TBCE: variants seen among roughly 807,000 people sequenced by gnomAD.
TBCE encodes tubulin-specific chaperone E.
Under a neutral mutation model 77.0 loss-of-function variants are expected in TBCE, and 53 were observed. The ratio of observed to expected loss-of-function variants is 0.69; its 90% CI spans 0.55 to 0.87. The LOEUF (loss-of-function observed/expected upper bound fraction) is 0.87. Among genes scored for constraint, TBCE ranks in the 40% least tolerant of loss-of-function variants. The pLI is 0.00. For missense variants in TBCE, 624 were observed against 622.4 expected (o/e 1.00, Z -0.03); for synonymous variants, 235 against 241.3 (o/e 0.97, Z 0.24).
At chr1:235,411,293 G>A (rs1358665430) in intron 3 of TBCE, among the ~76,000 whole-genome samples, 5 of 152,136 alleles carry the variant, frequency 3.3e-5, no homozygotes, top group Admixed American at 2.6e-4. Flanking sequence ...TTTCCCAAGC[G>A]GCTTTTATTG....
intron 3 of TBCE, among the ~76,000 whole-genome samples, chr1:235,412,349 T>C (rs1679863106): frequency 7.0e-6 from 1 of 141,846 alleles, no homozygotes; most frequent in Admixed American, 7.3e-5. Context: ...TCTTGCCTCA[T>C]ACTTCCAAGT....
At position 235,392,802 on chromosome 1, in the gene TBCE, A is replaced by G. The variant is rs557360417; in HGVS notation, c.101-8701A>G. 4.1e-3 allele frequency among the ~76,000 whole-genome samples: 617 copies of G among 152,182 alleles called. 5 individuals carry two copies. Among genetic ancestry groups the G allele is most frequent in the African/African-American group, 0.014 (589 of 41,522 alleles). ...AATTCTTTAGTCCAAAGTGGTGTCCATTCTTTAAGATTTTAAGATGGGGTA... is the reference window on the plus strand; with the variant it reads ...AATTCTTTAGTCCAAAGTGGTGTCCGTTCTTTAAGATTTTAAGATGGGGTA... On this transcript the variant is annotated intron_variant, in intron 2 of 16. Transcript: ENST00000642610.
chr1:235,382,385 G>C (rs1029016495), intron 2 of TBCE, among the ~76,000 whole-genome samples: 1 of 152,124 alleles, frequency 6.6e-6, no homozygotes, highest in Admixed American at 6.6e-5. Context: ...CCAAGGAATC[G>C]CCACACTGAC....
At chr1:235,387,046 G>T (rs1361680214) in intron 2 of TBCE, among the ~76,000 whole-genome samples, 11 of 152,232 alleles carry the variant, frequency 7.2e-5, no homozygotes, top group African/African-American at 2.7e-4. Flanking sequence ...AGGTCTGTTG[G>T]AGTTTGCTAG....
intron 3 of TBCE, among the ~76,000 whole-genome samples, chr1:235,407,635 C>T (rs529539535): frequency 1.2e-3 from 183 of 152,204 alleles, no homozygotes; most frequent in African/African-American, 4.3e-3. Context: ...TTGTGTGCCC[C>T]GAGCACTTTT....
At chr1:235,383,926 C>T (rs1330018316) in intron 2 of TBCE, among the ~76,000 whole-genome samples, 4 of 152,138 alleles carry the variant, frequency 2.6e-5, no homozygotes. Context: ...CAGTTTTTGT[C>T]CATTCAGTAT....
At chr1:235,374,914 T>C (rs1677196098) in intron 1 of TBCE, among the ~76,000 whole-genome samples, 1 of 140,634 alleles carries the variant, frequency 7.1e-6, no homozygotes, top group East Asian at 2.0e-4. Flanking sequence ...AGATTTCTTT[T>C]TTTTTCTTTT....
In TBCE at chr1:235,448,656, C is replaced by G; in HGVS notation, c.1492-14C>G. ...TCTTAATCACATCCTTCCCCACCTT[C>G]GTTCTAATTTTAGAAGCCGGGCAGA... On this transcript the variant is annotated splice_polypyrimidine_tract_variant and intron_variant, in intron 16 of 16. Transcript: ENST00000642610. 3 of 1,606,828 alleles carry G rather than the reference C, an allele frequency of 1.9e-6. No individual in the cohort carries two copies. The highest frequency in any genetic ancestry group is 2.6e-6 in the Non-Finnish European group (3 of 1,173,532).
chr1:235,439,633 G>A lies in TBCE; in HGVS notation c.1270+711G>A, dbSNP rs570555684. ...CTCCTGAGTAGCTGGGATTAGAGGC[G>A]CCCGCCACCACGCCCGACTAATTTT... On this transcript the variant is annotated intron_variant, in intron 13 of 16. Transcript: ENST00000642610. Among the ~76,000 whole-genome samples, 16 of 146,590 alleles carry A rather than the reference G, an allele frequency of 1.1e-4. 1 individual carries two copies. In the South Asian group the frequency reaches 2.9e-3, roughly 26 times the overall value.
Position 235,448,890 on chromosome 1 carries a change from A to AGGGATGTATTTTTTGTT in TBCE, c.*133_*149dup, listed in dbSNP as rs1682693115. On this transcript the variant is annotated 3_prime_UTR_variant, in exon 17 of 17. Transcript: ENST00000642610. ...TTTACAACTTGTCCTAAGTATAACA[A>AGGGATGTATTTTTTGTT]GGGATGTATTTTTTGTTGGGAAGTG... is the stretch of plus-strand genomic sequence containing the variant. The AGGGATGTATTTTTTGTT allele has an allele frequency of 6.7e-6, 5 of 748,346 alleles. No homozygotes were observed. The highest frequency in any genetic ancestry group is 2.3e-4 in the Middle Eastern group (1 of 4,364). 46.4% of individuals were successfully genotyped at this position (748,346 alleles called of 1,614,324 possible).
intron 2 of TBCE, among the ~76,000 whole-genome samples, chr1:235,394,241 C>T (rs1190490122): frequency 1.3e-5 from 2 of 151,654 alleles, no homozygotes; most frequent in Non-Finnish European, 2.9e-5. Context: ...CGCCCAGCTA[C>T]TTTTTTGTAT....
intron 2 of TBCE, among the ~76,000 whole-genome samples, chr1:235,392,416 T>C (rs958850808): frequency 2.7e-5 from 4 of 149,144 alleles, no homozygotes; most frequent in Non-Finnish European, 4.5e-5. Context: ...TTTTTTTTTT[T>C]TTTTTTTTTT....
At chr1:235,402,516 C>T (rs1419523250) in intron 3 of TBCE, among the ~76,000 whole-genome samples, 2 of 152,150 alleles carry the variant, frequency 1.3e-5, no homozygotes, top group Non-Finnish European at 2.9e-5. Flanking sequence ...TTTCTGAAAA[C>T]GATCTTTCCC....
intron 1 of TBCE, among the ~76,000 whole-genome samples, chr1:235,378,787 G>A (rs1345054447): frequency 6.6e-6 from 1 of 152,194 alleles, no homozygotes; most frequent in African/African-American, 2.4e-5. Context: ...CTTGAACCCA[G>A]CAGGCAGAGG....
At chr1:235,448,202 A>AAGTC (rs1285996806) in intron 15 of TBCE, 147 bp from the exon 16 acceptor site, 3 of 708,030 alleles carry the variant, frequency 4.2e-6, no homozygotes, top group African/African-American at 3.8e-5. Flanking sequence ...TTACTTAAGT[A>AAGTC]AGTAAGTAAG....
At chr1:235,379,874 G>T in intron 1 of TBCE, 145 bp from the exon 2 acceptor site, 1 of 506,256 alleles carries the variant, frequency 2.0e-6, no homozygotes. Context: ...CTTGAGCCTG[G>T]AAGGTGGGGG....
intron 8 of TBCE, 47 bp from the exon 9 acceptor site, chr1:235,435,698 C>T (rs1558388119): frequency 3.3e-6 from 5 of 1,536,592 alleles, no homozygotes; most frequent in Non-Finnish European, 4.5e-6. Context: ...TCTTTGAAAA[C>T]AATTAAGAGA....
rs141711212 is a variant in TBCE at position 235,389,396 on chromosome 1, C to T, written c.100+9247C>T. 3.9e-3 allele frequency among the ~76,000 whole-genome samples: 593 copies of T among 152,234 alleles called. 1 individual carries two copies. The highest frequency in any genetic ancestry group is 5.6e-3 in the Non-Finnish European group (384 of 68,012). ...AGGCTGGAGTGCAATGGCACAATCTCGGCTCATTGTAACCTCTGCCTCCTG... is the reference window on the plus strand; with the variant it reads ...AGGCTGGAGTGCAATGGCACAATCTTGGCTCATTGTAACCTCTGCCTCCTG... On this transcript the variant is annotated intron_variant, in intron 2 of 16. Transcript: ENST00000642610.
At chr1:235,382,100 T>C (rs1291980538) in intron 2 of TBCE, among the ~76,000 whole-genome samples, 1 of 151,466 alleles carries the variant, frequency 6.6e-6, no homozygotes, top group African/African-American at 2.4e-5. Flanking sequence ...TTACTGAGAA[T>C]GATGATTTCC....
Sources: allele counts gnomAD v4.1 joint callset (sites outside exome capture counted in the v4.1 genomes callset), GRCh38; gene constraint gnomAD v4.1.1; transcripts MANE v1.5; gene names NCBI Gene and HGNC (gene_info 2026-07-23, HGNC 2026-07-21).